Variants in KALRN observed in about 807,000 individuals in gnomAD.
The protein encoded by KALRN is kalirin RhoGEF kinase.
A neutral mutation model predicts 353.7 loss-of-function variants in KALRN; 70 were observed. That is an observed-to-expected ratio of 0.20 (90% confidence interval 0.16 to 0.24). The LOEUF (loss-of-function observed/expected upper bound fraction) is 0.24. Ranked by LOEUF, KALRN falls within the 10% of genes least tolerant of loss-of-function variation. KALRN has a pLI of 1.00. For synonymous variants in KALRN, 1,391 were observed against 1,434.8 expected (o/e 0.97, Z 0.69); for missense variants, 2,791 against 3,756.7 (o/e 0.74, Z 6.72).
intron 6 of KALRN, among the ~76,000 whole-genome samples, chr3:124,319,596 A>C (rs1014057984): frequency 6.7e-6 from 1 of 148,182 alleles, no homozygotes; most frequent in Non-Finnish European, 1.5e-5. Flanking sequence ...TATATATAAA[A>C]TATATATACC....
At chr3:124,634,049 G>A (rs1314866011) in intron 36 of KALRN, 96 bp downstream of exon 36, 3 of 880,636 alleles carry the variant, frequency 3.4e-6, no homozygotes, top group African/African-American at 1.7e-5. Context: ...TTTCTCCCAT[G>A]TTATCTCGTC....
intron 1 of KALRN, among the ~76,000 whole-genome samples, chr3:124,124,741 A>C (rs1303706628): frequency 6.6e-6 from 1 of 152,222 alleles, no homozygotes; most frequent in Non-Finnish European, 1.5e-5. Flanking sequence ...CCACCGGTAA[A>C]AAGATAATGA....
rs1336287896 is a variant in KALRN at position 124,482,870 on chromosome 3, A to G, written c.4254A>G (p.Gln1418=). ...CTTCCTACCTAATTAAGCCTGTCCAAAGGATCACCAAATATCAACTGCTCC... is the reference window on the plus strand; with the variant it reads ...CTTCCTACCTAATTAAGCCTGTCCAGAGGATCACCAAATATCAACTGCTCC... ...SISSYLIKPV[Q]RITKYQLLLK... is the part of the protein sequence containing the mutation. The change falls in exon 28 of 60, where the codon CAA becomes CAG. Residue 1418 remains glutamine, a synonymous_variant. Coordinates refer to ENST00000682506, the MANE Select transcript of KALRN (RefSeq NM_001388419.1). 3 of 1,612,914 alleles carry G rather than the reference A, an allele frequency of 1.9e-6. No homozygotes were observed. Among genetic ancestry groups the G allele is most frequent in the Non-Finnish European group, 2.5e-6 (3 of 1,178,934 alleles).
intron 33 of KALRN, among the ~76,000 whole-genome samples, chr3:124,500,827 G>T (rs1457692290): frequency 1.3e-5 from 2 of 152,200 alleles, no homozygotes; most frequent in Non-Finnish European, 2.9e-5. Context: ...TCATTCCACT[G>T]TAAATAGTCT....
intron 5 of KALRN, among the ~76,000 whole-genome samples, chr3:124,291,337 T>C (rs142853707): frequency 1.6e-4 from 25 of 152,320 alleles, no homozygotes; most frequent in African/African-American, 6.0e-4. Context: ...TGCAGTTCAC[T>C]TACAGTTCCT....
rs1255405110 is a variant in KALRN, at chr3:124,302,468, G to T, written c.1092+3555G>T. Among the ~76,000 whole-genome samples the T allele has an allele frequency of 2.0e-5, 3 of 152,156 alleles. No individual in the cohort carries two copies. In the East Asian group the frequency reaches 5.8e-4, roughly 29 times the overall value. On this transcript the variant is annotated intron_variant, in intron 6 of 59. Coordinates refer to ENST00000682506, the MANE Select transcript of KALRN (RefSeq NM_001388419.1). ...AGAAATTAATGGCCTGTGAATTGAA[G>T]TAACTCTATAATGTACCAAAGAACT...
chr3:124,583,556 G>A (rs975114861), intron 34 of KALRN, among the ~76,000 whole-genome samples: 7 of 152,130 alleles, frequency 4.6e-5, no homozygotes, highest in African/African-American at 1.7e-4. Flanking sequence ...TAAGATGTTC[G>A]AAGTTTCTCT....
chr3:124,051,480 G>GT (rs2041041139), intron 1 of KALRN, among the ~76,000 whole-genome samples: 1 of 152,150 alleles, frequency 6.6e-6, no homozygotes. Flanking sequence ...ATCAGTCTGG[G>GT]TTTTCATGAA....
chr3:124,525,867 A>G (rs1294433103), intron 33 of KALRN, among the ~76,000 whole-genome samples: 1 of 151,740 alleles, frequency 6.6e-6, no homozygotes, highest in African/African-American at 2.4e-5. Context: ...CTCTCTGTCT[A>G]CCCTGCAAAG....
At chr3:124,052,064 A>C (rs2041095258) in intron 1 of KALRN, among the ~76,000 whole-genome samples, 1 of 152,346 alleles carries the variant, frequency 6.6e-6, no homozygotes, top group Admixed American at 6.5e-5. Context: ...ATAGGAACCA[A>C]GTGGTAAGTG....
chr3:124,153,048 G>C (rs2068404120), intron 1 of KALRN: 1 of 219,070 alleles, frequency 4.6e-6, no homozygotes, highest in African/African-American at 2.3e-5. Flanking sequence ...GGCACAGCAG[G>C]AACCTTCTTC....
chr3:124,266,140 C>A (rs1328392880), intron 4 of KALRN, among the ~76,000 whole-genome samples: 2 of 151,622 alleles, frequency 1.3e-5, no homozygotes, highest in African/African-American at 4.8e-5. Context: ...AACAAACAAA[C>A]AAAAAAACAA....
At position 124,250,712 on chromosome 3, in the gene KALRN, G is replaced by A. The variant is rs73860932; in HGVS notation, c.264-13786G>A. On this transcript the variant is annotated intron_variant, in intron 3 of 59. Coordinates refer to ENST00000682506, the MANE Select transcript of KALRN (RefSeq NM_001388419.1). ...AAGGAGAGGGTAGAGAAGGCCAGAA[G>A]AGAGTACCTTGGGGGTTGTCTGAGG... Among the ~76,000 whole-genome samples the A allele has an allele frequency of 4.0e-3, 610 of 152,328 alleles. 5 individuals are homozygous for A. Among genetic ancestry groups the A allele is most frequent in the African/African-American group, 0.014 (589 of 41,570 alleles).
chr3:124,090,399 C>T (rs977097309), intron 1 of KALRN, among the ~76,000 whole-genome samples: 2 of 152,210 alleles, frequency 1.3e-5, no homozygotes, highest in East Asian at 3.8e-4. Flanking sequence ...CCTTTCCCTC[C>T]TGCTGCCTGG....
chr3:124,334,639 C>A lies in KALRN; in HGVS notation c.1647+144C>A, dbSNP rs2080938239. Reference sequence around the variant, plus strand: ...TTCAGCTCTCAACTGCTCCACAGAACCCTACCAAAACACAGAACAAAAACT... The same window carrying A: ...TTCAGCTCTCAACTGCTCCACAGAAACCTACCAAAACACAGAACAAAAACT... On this transcript the variant is annotated intron_variant, in intron 9 of 59. Coordinates refer to ENST00000682506, the MANE Select transcript of KALRN (RefSeq NM_001388419.1). This position sits in a 1 kb window ranked among gnomAD's most constrained non-coding sequence, Gnocchi z 4.2. 3 of 629,680 alleles carry A rather than the reference C, an allele frequency of 4.8e-6. No individual in the cohort carries two copies. Among genetic ancestry groups the A allele is most frequent in the Non-Finnish European group, 8.5e-6 (3 of 353,868 alleles). 39.0% of individuals were successfully genotyped at this position (629,680 alleles called of 1,614,324 possible).
At chr3:124,080,840 G>A (rs2060503174) in intron 1 of KALRN, among the ~76,000 whole-genome samples, 1 of 152,068 alleles carries the variant, frequency 6.6e-6, no homozygotes, top group Admixed American at 6.6e-5. Flanking sequence ...ATAATATTAA[G>A]CCCACTATAC....
intron 1 of KALRN, chr3:124,163,624 T>G (rs925632687): frequency 1.0e-5 from 10 of 984,860 alleles, no homozygotes; most frequent in Non-Finnish European, 1.2e-5. Flanking sequence ...AACATGGATC[T>G]GCATAAAGAA....
At chr3:124,261,304 C>A (rs2072833521) in intron 3 of KALRN, among the ~76,000 whole-genome samples, 1 of 152,080 alleles carries the variant, frequency 6.6e-6, no homozygotes, top group Non-Finnish European at 1.5e-5. Context: ...GATAACCATA[C>A]CTAGTTTATG....
intron 37 of KALRN, among the ~76,000 whole-genome samples, chr3:124,647,036 G>A (rs1182010340): frequency 6.6e-6 from 1 of 151,658 alleles, no homozygotes; most frequent in Non-Finnish European, 1.5e-5. Flanking sequence ...GGTCTTAGAA[G>A]GTAAAGTTTC....
Sources: gnomAD v4.1 joint callset for allele counts (sites outside exome capture counted in the v4.1 genomes callset) on GRCh38, gnomAD v4.1.1 for gene constraint, Gnocchi (gnomAD v3.1) non-coding constraint, MANE v1.5 for transcripts, NCBI Gene and HGNC (gene_info 2026-07-23, HGNC 2026-07-21) for gene names.